CBLB: variants seen among roughly 807,000 people sequenced by gnomAD.
CBLB encodes E3 ubiquitin-protein ligase CBL-B.
CBLB carries 31 observed loss-of-function variants against 104.9 expected under a neutral mutation model. The ratio of observed to expected loss-of-function variants is 0.30; its 90% CI spans 0.22 to 0.40. CBLB has a LOEUF of 0.40. CBLB is among the 10% of genes least tolerant of loss of function. The pLI is 1.00. For synonymous variants in CBLB, 440 were observed against 422.6 expected, an observed-to-expected ratio of 1.04 and a Z score of -0.51; for missense variants, 1,062 against 1,214.6, an observed-to-expected ratio of 0.87 and a Z score of 1.87.
rs1446495782 is a variant in CBLB, at chr3:105,736,782, T to C, written c.1071+389A>G. Among the ~76,000 whole-genome samples the C allele has an allele frequency of 1.3e-3, 204 of 152,230 alleles. 4 individuals are homozygous for C. Among genetic ancestry groups the C allele is most frequent in the Admixed American group, 0.013 (201 of 15,282 alleles). On this transcript the variant is annotated intron_variant, in intron 8 of 18. Transcript: ENST00000394030. ...TCATAAGCTATGAGGCTGCCAGCAA[T>C]GGATTTAGAAAAACATAATTGTTAT...
At chr3:105,767,433 T>C (rs899430017) in intron 4 of CBLB, among the ~76,000 whole-genome samples, 6 of 152,080 alleles carry the variant, frequency 3.9e-5, no homozygotes, top group Non-Finnish European at 5.9e-5. Flanking sequence ...AAATCAATCA[T>C]AGAGGCAATA....
intron 13 of CBLB, among the ~76,000 whole-genome samples, chr3:105,691,008 T>C (rs910096199): frequency 1.3e-5 from 2 of 152,160 alleles, no homozygotes; most frequent in African/African-American, 2.4e-5. Context: ...ATCTCTACCA[T>C]ATAATCTAAA....
chr3:105,738,845 T>A (rs950148704), intron 7 of CBLB, among the ~76,000 whole-genome samples: 1 of 152,036 alleles, frequency 6.6e-6, no homozygotes, highest in Admixed American at 6.6e-5. Flanking sequence ...AAATACACAT[T>A]TGGTACCATA....
At chr3:105,723,467 AC>A (rs1341949399) in intron 9 of CBLB, among the ~76,000 whole-genome samples, 6 of 152,184 alleles carry the variant, frequency 3.9e-5, no homozygotes, top group African/African-American at 1.4e-4. Context: ...AATACTATAC[AC>A]AGCTGAAACT....
At chr3:105,696,163 G>A (rs1443944373) in intron 12 of CBLB, among the ~76,000 whole-genome samples, 1 of 151,526 alleles carries the variant, frequency 6.6e-6, no homozygotes, top group Non-Finnish European at 1.5e-5. Flanking sequence ...TGTACTGAGA[G>A]TTGACAATAC....
chr3:105,767,278 T>C (rs528382405), intron 4 of CBLB, among the ~76,000 whole-genome samples: 2 of 152,250 alleles, frequency 1.3e-5, no homozygotes, highest in Non-Finnish European at 2.9e-5. Flanking sequence ...TTTCTTTACC[T>C]AGAGGGAAAA....
intron 4 of CBLB, among the ~76,000 whole-genome samples, chr3:105,772,565 G>A (rs955421230): frequency 5.3e-5 from 8 of 152,076 alleles, no homozygotes; most frequent in Non-Finnish European, 1.0e-4. Context: ...AAATAATCAG[G>A]AGAGTAAACA....
chr3:105,796,924 A>C (rs566073686), intron 3 of CBLB, among the ~76,000 whole-genome samples: 9 of 152,340 alleles, frequency 5.9e-5, no homozygotes, highest in Admixed American at 2.0e-4. Context: ...GTCAAAAAAT[A>C]ACAGGTGCTG....
chr3:105,766,657 AT>A (rs200502642), intron 4 of CBLB, among the ~76,000 whole-genome samples: 2 of 90,734 alleles, frequency 2.2e-5, no homozygotes, highest in Non-Finnish European at 5.6e-5. Flanking sequence ...AGGTACATAT[AT>A]TTTTTTAGAC....
At chr3:105,677,645 T>A (rs2065814755) in intron 17 of CBLB, among the ~76,000 whole-genome samples, 1 of 151,868 alleles carries the variant, frequency 6.6e-6, no homozygotes, top group African/African-American at 2.4e-5. Context: ...AACTGTTAAT[T>A]AGTATCAGCA....
intron 1 of CBLB, among the ~76,000 whole-genome samples, chr3:105,867,924 C>A (rs1317155583): frequency 6.6e-6 from 1 of 151,812 alleles, no homozygotes; most frequent in Non-Finnish European, 1.5e-5. Context: ...GTTTCCCCCA[C>A]CTAGATAAAA....
chr3:105,700,475 GA>G (rs72415879), intron 12 of CBLB, among the ~76,000 whole-genome samples: 6,454 of 144,688 alleles, frequency 0.045, 294 homozygotes, highest in Admixed American at 0.13. Flanking sequence ...GCTAAAGGGG[GA>G]AAAAAAAAAA....
At chr3:105,745,106 T>G (rs964163191) in intron 6 of CBLB, among the ~76,000 whole-genome samples, 3 of 152,178 alleles carry the variant, frequency 2.0e-5, no homozygotes, top group African/African-American at 4.8e-5. Context: ...AATACCAGAA[T>G]AGCATCTGAA....
At chr3:105,748,534 G>A (rs1010063599) in intron 5 of CBLB, among the ~76,000 whole-genome samples, 12 of 152,138 alleles carry the variant, frequency 7.9e-5, no homozygotes, top group African/African-American at 2.9e-4. Context: ...GGGAACAACA[G>A]CCCCAGGGAG....
At chr3:105,780,601 T>G (rs2080073356) in intron 3 of CBLB, among the ~76,000 whole-genome samples, 1 of 152,058 alleles carries the variant, frequency 6.6e-6, no homozygotes, top group Admixed American at 6.5e-5. Flanking sequence ...ATTTATTCAT[T>G]TTCTTTGCAT....
At chr3:105,697,801 T>C (rs555081099) in intron 12 of CBLB, among the ~76,000 whole-genome samples, 2 of 152,198 alleles carry the variant, frequency 1.3e-5, no homozygotes, top group South Asian at 4.1e-4. Context: ...AGTTTTATCA[T>C]ATAAGAAACA....
chr3:105,800,600 G>T (rs1037263306), intron 3 of CBLB, among the ~76,000 whole-genome samples: 2 of 152,116 alleles, frequency 1.3e-5, no homozygotes, highest in African/African-American at 2.4e-5. Context: ...AAATAGCAAG[G>T]TTTTGTCTGG....
At chr3:105,711,906 C>T (rs1035137467) in intron 10 of CBLB, among the ~76,000 whole-genome samples, 2 of 151,970 alleles carry the variant, frequency 1.3e-5, no homozygotes, top group South Asian at 2.1e-4. Flanking sequence ...AATAAAGAAG[C>T]GGAGGAAAAC....
chr3:105,729,835 C>T (rs2074114498), intron 9 of CBLB, among the ~76,000 whole-genome samples: 1 of 151,894 alleles, frequency 6.6e-6, no homozygotes, highest in African/African-American at 2.4e-5. Flanking sequence ...TTATTAAATA[C>T]CAGAGGCATT....
Sources: gnomAD v4.1 joint callset for allele counts (sites outside exome capture counted in the v4.1 genomes callset) on GRCh38, gnomAD v4.1.1 for gene constraint, MANE v1.5 for transcripts, NCBI Gene and HGNC (gene_info 2026-07-23, HGNC 2026-07-21) for gene names.